Variants in CAMTA1 observed in about 807,000 individuals in gnomAD.
CAMTA1 encodes calmodulin binding transcription activator 1, also known as calmodulin-binding transcription activator 1.
In CAMTA1, 27 loss-of-function variants were observed where a neutral mutation model predicts 170.9. That is an observed-to-expected ratio of 0.16 (90% confidence interval 0.12 to 0.22). The LOEUF (loss-of-function observed/expected upper bound fraction) is 0.22, where lower values mean the gene tolerates loss of function less well. CAMTA1 is among the 10% of genes least tolerant of loss of function. The pLI is 1.00. For synonymous variants in CAMTA1, 833 were observed against 891.5 expected, an observed-to-expected ratio of 0.93 and a Z score of 1.17; for missense variants, 1,619 against 2,217.2, an observed-to-expected ratio of 0.73 and a Z score of 5.42.
intron 1 of CAMTA1, among the ~76,000 whole-genome samples, chr1:6,789,058 C>T (rs1640254289): frequency 6.6e-6 from 1 of 152,192 alleles, no homozygotes; most frequent in African/African-American, 2.4e-5. Flanking sequence ...ACCTCTTCCT[C>T]CTTTGTCTTC....
At position 7,152,839 on chromosome 1, in the gene CAMTA1, C is replaced by T. The variant is rs574712777; in HGVS notation, c.302+61468C>T. Among the ~76,000 whole-genome samples, 59 of 152,272 alleles carry T rather than the reference C, an allele frequency of 3.9e-4. 1 individual carries two copies. In the South Asian group the frequency reaches 0.011, roughly 29 times the overall value. On this transcript the variant is annotated intron_variant, in intron 4 of 22. Transcript: ENST00000303635. Reference sequence around the variant, plus strand: ...TGTATGAACCAGAGGGAGTGGTGCTCGACCCTAACCTTTCACAGATGTTCC... The same window carrying T: ...TGTATGAACCAGAGGGAGTGGTGCTTGACCCTAACCTTTCACAGATGTTCC...
At chr1:6,997,865 G>T (rs1697563597) in intron 3 of CAMTA1, among the ~76,000 whole-genome samples, 1 of 151,734 alleles carries the variant, frequency 6.6e-6, no homozygotes, top group Non-Finnish European at 1.5e-5. Flanking sequence ...TTTCACCATG[G>T]CCAGGCTGGT....
chr1:7,051,677 T>A (rs1466577468), intron 3 of CAMTA1, among the ~76,000 whole-genome samples: 3 of 151,920 alleles, frequency 2.0e-5, no homozygotes, highest in African/African-American at 7.3e-5. Flanking sequence ...CAGGACAGAC[T>A]CATCCCTGTT....
chr1:7,689,264 T>C (rs1273781310), intron 11 of CAMTA1, among the ~76,000 whole-genome samples: 35 of 57,088 alleles, frequency 6.1e-4, no homozygotes, highest in African/African-American at 2.5e-3. Flanking sequence ...TGAAACTCCT[T>C]CTCAAAAAAA....
chr1:6,899,554 GCACACACACACACACACACA>G (rs70984034), intron 3 of CAMTA1, among the ~76,000 whole-genome samples: 1 of 141,086 alleles, frequency 7.1e-6, no homozygotes, highest in Admixed American at 7.7e-5. Flanking sequence ...ACGCGCGCGC[GCACACACACACACACACACA>G]CACACACACA....
At chr1:6,842,293 G>A (rs187087263) in intron 3 of CAMTA1, among the ~76,000 whole-genome samples, 6 of 152,326 alleles carry the variant, frequency 3.9e-5, no homozygotes, top group African/African-American at 1.2e-4. Context: ...ACAAGTGGGC[G>A]TCATAGTGAG....
At chr1:7,470,540 C>T (rs970295029) in intron 6 of CAMTA1, among the ~76,000 whole-genome samples, 1 of 152,188 alleles carries the variant, frequency 6.6e-6, no homozygotes, top group Non-Finnish European at 1.5e-5. Flanking sequence ...AAGGAGGCTG[C>T]TCAGATGCCA....
chr1:7,283,818 A>G (rs1004550003), intron 5 of CAMTA1, among the ~76,000 whole-genome samples: 1 of 152,146 alleles, frequency 6.6e-6, no homozygotes, highest in African/African-American at 2.4e-5. Flanking sequence ...CACCACCAGG[A>G]CATCATCTTT....
chr1:7,704,043 C>T (rs1334526852), intron 11 of CAMTA1, among the ~76,000 whole-genome samples: 1 of 151,996 alleles, frequency 6.6e-6, no homozygotes, highest in South Asian at 2.1e-4. Context: ...CACCGTCCTC[C>T]GCCCCGCCCT....
At chr1:7,508,119 G>C (rs777579995) in intron 6 of CAMTA1, among the ~76,000 whole-genome samples, 1 of 152,262 alleles carries the variant, frequency 6.6e-6, no homozygotes, top group African/African-American at 2.4e-5. Flanking sequence ...AAGTGGTGCT[G>C]TTGTCACATT....
At chr1:7,086,974 G>C (rs1331821708) in intron 3 of CAMTA1, among the ~76,000 whole-genome samples, 6 of 152,200 alleles carry the variant, frequency 3.9e-5, no homozygotes, top group African/African-American at 1.4e-4. Context: ...TGTGTTTGAG[G>C]GGCTGCAAGT....
chr1:7,163,481 G>C (rs1647691654), intron 4 of CAMTA1, among the ~76,000 whole-genome samples: 1 of 152,164 alleles, frequency 6.6e-6, no homozygotes, highest in African/African-American at 2.4e-5. Context: ...TGGCAGTGAT[G>C]GGAAGCGAGG....
intron 1 of CAMTA1, 103 bp downstream of exon 1, chr1:6,785,678 G>T: frequency 1.6e-5 from 4 of 246,232 alleles, no homozygotes; most frequent in Non-Finnish European, 2.5e-5. Context: ...GGAGCGCGGG[G>T]GCGCGGCGGG....
At chr1:7,501,359 C>T (rs1340225868) in intron 6 of CAMTA1, among the ~76,000 whole-genome samples, 1 of 152,204 alleles carries the variant, frequency 6.6e-6, no homozygotes, top group Admixed American at 6.5e-5. Flanking sequence ...TTCCCGGGAT[C>T]TCCGGACCAG....
intron 5 of CAMTA1, among the ~76,000 whole-genome samples, chr1:7,403,884 C>T (rs1047593777): frequency 6.6e-6 from 1 of 152,080 alleles, no homozygotes; most frequent in Non-Finnish European, 1.5e-5. Flanking sequence ...GAAATGGGTG[C>T]AGGGAGGCAA....
At chr1:7,206,502 T>A (rs1261460942) in intron 4 of CAMTA1, among the ~76,000 whole-genome samples, 3 of 152,246 alleles carry the variant, frequency 2.0e-5, no homozygotes, top group African/African-American at 7.2e-5. Context: ...GAATCCTTTT[T>A]TGTGTGTTCG....
At chr1:7,273,599 A>T (rs1298245131) in intron 5 of CAMTA1, among the ~76,000 whole-genome samples, 3 of 152,306 alleles carry the variant, frequency 2.0e-5, no homozygotes, top group Non-Finnish European at 4.4e-5. Context: ...ATGAGGGGTG[A>T]CTGCTAATGA....
intron 22 of CAMTA1, among the ~76,000 whole-genome samples, chr1:7,756,546 A>AC (rs2096932841): frequency 6.6e-6 from 1 of 152,068 alleles, no homozygotes; most frequent in Non-Finnish European, 1.5e-5. Context: ...TCCGAAAACC[A>AC]TTTTTTCAAA....
At chr1:7,223,354 G>A (rs916742128) in intron 4 of CAMTA1, among the ~76,000 whole-genome samples, 2 of 152,098 alleles carry the variant, frequency 1.3e-5, no homozygotes, top group African/African-American at 2.4e-5. Context: ...GTGTGATTGT[G>A]TGCGTATGTG....
Sources: allele counts gnomAD v4.1 joint callset (sites outside exome capture counted in the v4.1 genomes callset), GRCh38; gene constraint gnomAD v4.1.1; transcripts MANE v1.5; gene names NCBI Gene and HGNC (gene_info 2026-07-23, HGNC 2026-07-21).